The following PAAF1 variants were observed in gnomAD, a reference collection of about 807,000 sequenced individuals.
The protein encoded by PAAF1 is proteasomal ATPase-associated factor 1.
Under a neutral mutation model 52.8 loss-of-function variants are expected in PAAF1, and 46 were observed. The observed-to-expected ratio is 0.87, with a 90% CI of 0.69 to 1.11. The LOEUF is 1.11. Among genes scored for constraint, PAAF1 ranks in the 50% most tolerant of loss-of-function variants. PAAF1 has a pLI of 0.00. For synonymous variants in PAAF1, 178 were observed against 172.8 expected (o/e 1.03, Z -0.24); for missense variants, 424 against 477.4 (o/e 0.89, Z 1.04).
chr11:73,889,138 TG>T (rs1224853385), intron 3 of PAAF1: 14 of 1,466,802 alleles, frequency 9.5e-6, no homozygotes, highest in Non-Finnish European at 1.3e-5. Context: ...TGGCACAGCC[TG>T]GGTGCTGACT....
chr11:73,882,812 G>A (rs1461509572), intron 2 of PAAF1, among the ~76,000 whole-genome samples: 1 of 151,946 alleles, frequency 6.6e-6, no homozygotes, highest in Admixed American at 6.6e-5. Context: ...ACCGTGTTAA[G>A]CAGGATGGTC....
chr11:73,888,291 C>T (rs1017751096), intron 3 of PAAF1, among the ~76,000 whole-genome samples: 2 of 152,100 alleles, frequency 1.3e-5, no homozygotes, highest in African/African-American at 4.8e-5. Flanking sequence ...TGCCCATATC[C>T]AAGTAGTTCT....
chr11:73,886,965 C>G (rs552898015), intron 2 of PAAF1: 6 of 424,152 alleles, frequency 1.4e-5, no homozygotes, highest in South Asian at 1.1e-4. Context: ...TCCCTTCTCT[C>G]TCTTACTTCC....
chr11:73,882,311 CTTTTTTT>C (rs34242715), intron 2 of PAAF1, among the ~76,000 whole-genome samples: 25 of 119,540 alleles, frequency 2.1e-4, no homozygotes, highest in African/African-American at 7.0e-4. Context: ...CGTGCCTGCA[CTTTTTTT>C]TTTTTTTTTT....
intron 6 of PAAF1, among the ~76,000 whole-genome samples, chr11:73,905,310 G>A (rs753958710): frequency 8.6e-5 from 13 of 151,594 alleles, no homozygotes; most frequent in East Asian, 3.9e-4. Flanking sequence ...TGCAACCTCC[G>A]CCTCCTGGGT....
intron 8 of PAAF1, among the ~76,000 whole-genome samples, chr11:73,914,772 G>T (rs557992511): frequency 6.8e-6 from 1 of 147,688 alleles, no homozygotes; most frequent in Non-Finnish European, 1.5e-5. Flanking sequence ...GCGCAATCTC[G>T]GTTCAGCTCA....
At chr11:73,902,574 C>A (rs906441622) in intron 6 of PAAF1, among the ~76,000 whole-genome samples, 1 of 152,210 alleles carries the variant, frequency 6.6e-6, no homozygotes, top group Non-Finnish European at 1.5e-5. Context: ...TTATAAATAC[C>A]TTTGGATCAC....
Position 73,891,181 on chromosome 11 carries a change from TC to T in PAAF1, c.264del (p.Arg89GlufsTer7). On this transcript the variant is annotated frameshift_variant, in exon 4 of 12. Transcript: ENST00000310571. LOFTEE classifies it high-confidence loss of function. ...SKFLAPYTTF[S>X]RIHTKSITCL... is the part of the protein sequence containing the mutation. ...GTTTTTGGCACCATATACTACTTTT[TC>T]CAGAATTCATACAAAGAGTGTAAGT... 1 of 1,577,598 alleles carries T rather than the reference TC, an allele frequency of 6.3e-7. No individual in the cohort carries two copies. Among genetic ancestry groups the T allele is most frequent in the Non-Finnish European group, 8.7e-7 (1 of 1,148,908 alleles).
chr11:73,877,080 C>T lies in PAAF1; in HGVS notation c.47+12C>T. On this transcript the variant is annotated intron_variant, in intron 1 of 11. Coordinates refer to ENST00000310571, the MANE Select transcript of PAAF1 (RefSeq NM_025155.3). Reference sequence around the variant, plus strand: ...GCGCAAGCCCTCAGGTGAATCCAGGCCCAGAACAGAGTCAGAGGAGGCGGG... The same window carrying T: ...GCGCAAGCCCTCAGGTGAATCCAGGTCCAGAACAGAGTCAGAGGAGGCGGG... 1 of 1,527,868 alleles carries T rather than the reference C, an allele frequency of 6.5e-7. No individual in the cohort carries two copies. The highest frequency in any genetic ancestry group is 8.8e-7 in the Non-Finnish European group (1 of 1,134,418). 94.6% of individuals were successfully genotyped at this position (1,527,868 alleles called of 1,614,324 possible).
chr11:73,910,350 A>T (rs1949893488), intron 7 of PAAF1, among the ~76,000 whole-genome samples: 1 of 152,224 alleles, frequency 6.6e-6, no homozygotes, highest in Non-Finnish European at 1.5e-5. Context: ...GAAGTTGAAC[A>T]GACAGTAATT....
At chr11:73,892,476 T>G (rs1949226958) in intron 4 of PAAF1, among the ~76,000 whole-genome samples, 2 of 152,302 alleles carry the variant, frequency 1.3e-5, no homozygotes, top group South Asian at 4.1e-4. Context: ...TAGGAACTTT[T>G]GTTGTATATC....
At chr11:73,906,012 T>G (rs978931836) in intron 6 of PAAF1, among the ~76,000 whole-genome samples, 5 of 152,208 alleles carry the variant, frequency 3.3e-5, no homozygotes, top group Non-Finnish European at 7.3e-5. Context: ...AATTAGATTT[T>G]TGCTGAATGT....
At chr11:73,906,358 T>C (rs1040155363) in intron 6 of PAAF1, among the ~76,000 whole-genome samples, 3 of 152,198 alleles carry the variant, frequency 2.0e-5, no homozygotes, top group African/African-American at 7.2e-5. Context: ...GTTCAAGTGA[T>C]TCTTGTGCCT....
chr11:73,914,425 T>C lies in PAAF1; in HGVS notation c.740T>C (p.Val247Ala). Residue 247 changes from valine (V) to alanine (A), a missense_variant, in exon 8 of 12, where the codon GTT becomes GCT. Val to Ala is a moderately conservative substitution (Grantham distance 64). Coordinates refer to ENST00000310571, the MANE Select transcript of PAAF1 (RefSeq NM_025155.3). ...ATTTGTCATGCAGGTGAACGGGAGG[T>C]TGGAACAGAGGCCAAAATGCTGCTC... Reference protein sequence around the residue: ...SPEQMPSEREVGTEAKMLLLA... With the variant: ...SPEQMPSEREAGTEAKMLLLA... 6.2e-7 allele frequency: 1 copy of C among 1,613,886 alleles called. No homozygotes were observed. The highest frequency in any genetic ancestry group is 8.5e-7 in the Non-Finnish European group (1 of 1,179,924).
intron 7 of PAAF1, among the ~76,000 whole-genome samples, chr11:73,913,915 G>A (rs902348134): frequency 4.6e-5 from 7 of 152,056 alleles, no homozygotes; most frequent in African/African-American, 1.7e-4. Flanking sequence ...GCCAGCCATG[G>A]TGTGCACACC....
chr11:73,926,113 T>TTC (rs1950348579), intron 11 of PAAF1, among the ~76,000 whole-genome samples: 1 of 132,378 alleles, frequency 7.6e-6, no homozygotes. Context: ...CTTTCTTTCT[T>TTC]TCTTTTTTTT....
intron 3 of PAAF1, chr11:73,888,929 A>C (rs1565127852): frequency 2.1e-6 from 1 of 477,470 alleles, no homozygotes; most frequent in Non-Finnish European, 3.7e-6. Context: ...ATACTACAGA[A>C]GTTAGTTTTG....
chr11:73,918,181 A>G (rs1445083161), intron 9 of PAAF1, among the ~76,000 whole-genome samples: 1 of 152,112 alleles, frequency 6.6e-6, no homozygotes, highest in Non-Finnish European at 1.5e-5. Flanking sequence ...TCAGGAGTCT[A>G]TGACAGGTAT....
intron 11 of PAAF1, among the ~76,000 whole-genome samples, chr11:73,926,715 C>CA (rs1257859756): frequency 6.6e-6 from 1 of 152,088 alleles, no homozygotes; most frequent in African/African-American, 2.4e-5. Context: ...TCTCAAAAAA[C>CA]AAACAAACAA....
Sources: gnomAD v4.1 joint callset for allele counts (sites outside exome capture counted in the v4.1 genomes callset) on GRCh38, gnomAD v4.1.1 for gene constraint, MANE v1.5 for transcripts, NCBI Gene and HGNC (gene_info 2026-07-23, HGNC 2026-07-21) for gene names.